The following OXR1 variants were observed in gnomAD, a reference collection of about 807,000 sequenced individuals.
OXR1 encodes the protein oxidation resistance 1.
A neutral mutation model predicts 104.6 loss-of-function variants in OXR1; 41 were observed. The observed-to-expected ratio is 0.39, with a 90% CI of 0.31 to 0.51. The LOEUF is 0.51. Among genes scored for constraint, OXR1 ranks in the 20% least tolerant of loss-of-function variants. The pLI, the probability that OXR1 is intolerant of heterozygous loss-of-function variation, is 0.77. For missense variants in OXR1, 955 were observed against 1,031.9 expected, an observed-to-expected ratio of 0.93 and a Z score of 1.02; for synonymous variants, 348 against 348.4, an observed-to-expected ratio of 1.00 and a Z score of 0.01.
chr8:106,334,805 G>A (rs1224845205), intron 1 of OXR1, among the ~76,000 whole-genome samples: 1 of 151,990 alleles, frequency 6.6e-6, no homozygotes, highest in Non-Finnish European at 1.5e-5. Context: ...CATTCTTTCT[G>A]TCCTCCAGCT....
chr8:106,335,244 T>C (rs1390200502), intron 1 of OXR1, among the ~76,000 whole-genome samples: 1 of 152,194 alleles, frequency 6.6e-6, no homozygotes, highest in Admixed American at 6.5e-5. Context: ...TCCCTTTTTC[T>C]GTTTGATGGC....
rs535536161 is a variant in OXR1 at position 106,630,475 on chromosome 8, A to T, written c.221-48735A>T. Reference sequence around the variant, plus strand: ...ATAAGACTAGAAACTAAGTATTTTGATTCCGTACTATGTTGTTGTGTTTTA... The same window carrying T: ...ATAAGACTAGAAACTAAGTATTTTGTTTCCGTACTATGTTGTTGTGTTTTA... On this transcript the variant is annotated intron_variant, in intron 3 of 16. Coordinates refer to ENST00000517566, the MANE Select transcript of OXR1 (RefSeq NM_001198533.2). Among the ~76,000 whole-genome samples the T allele has an allele frequency of 2.0e-5, 3 of 152,280 alleles. No homozygotes were observed. The South Asian group carries it at 6.2e-4, about 32-fold the overall frequency.
At chr8:106,441,175 C>T (rs1355555604) in intron 2 of OXR1, among the ~76,000 whole-genome samples, 1 of 152,026 alleles carries the variant, frequency 6.6e-6, no homozygotes, top group Non-Finnish European at 1.5e-5. Context: ...TGAATAGATC[C>T]TTTCCCCATT....
At chr8:106,447,620 T>C (rs563408444) in intron 2 of OXR1, among the ~76,000 whole-genome samples, 1 of 152,356 alleles carries the variant, frequency 6.6e-6, no homozygotes, top group Non-Finnish European at 1.5e-5. Flanking sequence ...GATAGCAATG[T>C]CAATATCAAT....
At chr8:106,704,554 C>T (rs1830954236) in intron 8 of OXR1, among the ~76,000 whole-genome samples, 1 of 151,796 alleles carries the variant, frequency 6.6e-6, no homozygotes, top group African/African-American at 2.4e-5. Context: ...CCTGCCACCA[C>T]ATCTGGCTAA....
chr8:106,673,465 T>A (rs974375823), intron 3 of OXR1, among the ~76,000 whole-genome samples: 2 of 152,250 alleles, frequency 1.3e-5, no homozygotes, highest in African/African-American at 4.8e-5. Context: ...TTGAAGCTTA[T>A]GTTTAAATGG....
At chr8:106,388,397 C>T (rs2130435430) in intron 2 of OXR1, among the ~76,000 whole-genome samples, 1 of 152,132 alleles carries the variant, frequency 6.6e-6, no homozygotes, top group African/African-American at 2.4e-5. Context: ...CATTTGTTAG[C>T]CCCAAGGTCT....
chr8:106,350,181 C>T (rs1815665987), intron 1 of OXR1, among the ~76,000 whole-genome samples: 1 of 152,116 alleles, frequency 6.6e-6, no homozygotes, highest in South Asian at 2.1e-4. Flanking sequence ...CATTAAAGTT[C>T]AGGAGAAAAT....
At chr8:106,696,788 C>G (rs1312619950) in intron 7 of OXR1, among the ~76,000 whole-genome samples, 1 of 152,124 alleles carries the variant, frequency 6.6e-6, no homozygotes, top group Non-Finnish European at 1.5e-5. Context: ...TCCTCAAGCC[C>G]CAGACCATGG....
chr8:106,481,746 T>A (rs149308290), intron 2 of OXR1, among the ~76,000 whole-genome samples: 8 of 152,204 alleles, frequency 5.3e-5, no homozygotes, highest in African/African-American at 1.9e-4. Flanking sequence ...TGCTAAAACA[T>A]AACTTGATGG....
intron 2 of OXR1, among the ~76,000 whole-genome samples, chr8:106,452,978 A>T (rs1446992046): frequency 1.3e-5 from 2 of 152,138 alleles, no homozygotes. Flanking sequence ...AGCCATAGCC[A>T]TATATTGAAA....
At chr8:106,404,533 T>G (rs1360732197) in intron 2 of OXR1, among the ~76,000 whole-genome samples, 1 of 152,156 alleles carries the variant, frequency 6.6e-6, no homozygotes, top group East Asian at 1.9e-4. Context: ...AGAACACACA[T>G]AGAAGACGTT....
rs2131306916 is a variant in OXR1 at position 106,694,651 on chromosome 8, TTGATATATAAATATATGTTTATATATTTA to T, written c.675+1775_675+1803del. ...TATATAAATATATGTTTATATATAT[TTGATATATAAATATATGTTTATATATTTA>T]ATATATAAATATATGTTTATATATT... On this transcript the variant is annotated intron_variant, in intron 7 of 16. Coordinates refer to ENST00000517566, the MANE Select transcript of OXR1 (RefSeq NM_001198533.2). Among the ~76,000 whole-genome samples, 2 of 89,252 alleles carry T rather than the reference TTGATATATAAATATATGTTTATATATTTA, an allele frequency of 2.2e-5. 1 individual carries two copies. Among genetic ancestry groups the T allele is most frequent in the Admixed American group, 2.7e-4 (2 of 7,338 alleles). 58.6% of individuals were successfully genotyped at this position (89,252 alleles called of 152,430 possible).
intron 3 of OXR1, among the ~76,000 whole-genome samples, chr8:106,606,554 C>T (rs1586886963): frequency 1.3e-5 from 2 of 151,574 alleles, no homozygotes; most frequent in African/African-American, 2.4e-5. Context: ...TCAAATGATC[C>T]GCCCGCTTCA....
At chr8:106,507,257 A>G (rs1202286212) in intron 2 of OXR1, among the ~76,000 whole-genome samples, 1 of 152,158 alleles carries the variant, frequency 6.6e-6, no homozygotes, top group African/African-American at 2.4e-5. Context: ...CTTTATCTGG[A>G]TGGTGTTATA....
chr8:106,431,686 A>C (rs531761485), intron 2 of OXR1, among the ~76,000 whole-genome samples: 2 of 152,208 alleles, frequency 1.3e-5, no homozygotes, highest in Non-Finnish European at 2.9e-5. Context: ...CACCTATACT[A>C]GCATCTGGCA....
intron 10 of OXR1, among the ~76,000 whole-genome samples, chr8:106,711,275 A>G (rs546177246): frequency 3.9e-5 from 6 of 152,266 alleles, no homozygotes; most frequent in Non-Finnish European, 7.4e-5. Flanking sequence ...AAAGATGTCT[A>G]TTGTACTATC....
chr8:106,661,669 C>T (rs1784493), intron 3 of OXR1, among the ~76,000 whole-genome samples: 20,068 of 152,126 alleles, frequency 0.13, 1,599 homozygotes, highest in Non-Finnish European at 0.18. Flanking sequence ...TTATCATAAG[C>T]GTCCTATTAT....
intron 7 of OXR1, chr8:106,697,396 G>A: frequency 3.0e-6 from 4 of 1,355,666 alleles, no homozygotes; most frequent in South Asian, 1.3e-5. Context: ...CCACTCGTGG[G>A]AGGGCAGGGG....
Sources: gnomAD v4.1 joint callset for allele counts (sites outside exome capture counted in the v4.1 genomes callset) on GRCh38, gnomAD v4.1.1 for gene constraint, MANE v1.5 for transcripts, NCBI Gene and HGNC (gene_info 2026-07-23, HGNC 2026-07-21) for gene names.